ARHGAP32: variants seen among roughly 807,000 people sequenced by gnomAD.
ARHGAP32 encodes rho GTPase-activating protein 32.
Under a neutral mutation model 186.5 loss-of-function variants are expected in ARHGAP32, and 51 were observed. The ratio of observed to expected loss-of-function variants is 0.27; its 90% CI spans 0.22 to 0.35. ARHGAP32 has a LOEUF of 0.35. Ranked by LOEUF, ARHGAP32 falls within the 10% of genes least tolerant of loss-of-function variation. ARHGAP32 has a pLI of 1.00. For synonymous variants in ARHGAP32, 950 were observed against 964.3 expected (o/e 0.99, Z 0.27); for missense variants, 2,186 against 2,623.5 (o/e 0.83, Z 3.64).
intron 11 of ARHGAP32, among the ~76,000 whole-genome samples, chr11:129,025,865 A>C (rs916920748): frequency 1.3e-5 from 2 of 148,722 alleles, no homozygotes; most frequent in Non-Finnish European, 3.0e-5. Context: ...ATAACATATT[A>C]TTTAAGTAAT....
At chr11:129,271,293 G>A (rs1412043859) in intron 1 of ARHGAP32, among the ~76,000 whole-genome samples, 1 of 152,154 alleles carries the variant, frequency 6.6e-6, no homozygotes, top group Admixed American at 6.6e-5. Context: ...AGTGAAAAAA[G>A]TGAGATGTAG....
chr11:128,969,314 C>T lies in ARHGAP32; in HGVS notation c.5899G>A (p.Val1967Ile). The change falls in exon 23 of 23, where the codon GTT (valine) becomes ATT (isoleucine). Residue 1967 changes from valine (V) to isoleucine (I), a missense_variant. By Grantham distance (29) the Val-to-Ile change is conservative. Around this residue, in one of 5 missense-constraint regions of ARHGAP32, gnomAD observed 1,502 missense variants for 1,570.0 expected, o/e 0.96. Transcript: ENST00000682385. The surrounding 1 kb of genome is among the most constrained non-coding windows in gnomAD (Gnocchi z 4.8). Reference protein sequence around the residue: ...RLSKEMERPWVRQPSAPEKHS... With the variant: ...RLSKEMERPWIRQPSAPEKHS... ...TTCTCTGGGGCAGAAGGCTGCCTAA[C>T]CCAGGGTCGCTCCATCTCTTTGGAG... 1 of 1,614,244 alleles carries T rather than the reference C, an allele frequency of 6.2e-7. No individual in the cohort carries two copies. Among genetic ancestry groups the T allele is most frequent in the East Asian group, 2.2e-5 (1 of 44,880 alleles).
chr11:129,017,489 A>G (rs933185664), intron 11 of ARHGAP32, among the ~76,000 whole-genome samples: 1 of 151,934 alleles, frequency 6.6e-6, no homozygotes, highest in Non-Finnish European at 1.5e-5. Flanking sequence ...GTTTAAAATA[A>G]TAACTACTGA....
At chr11:129,257,955 A>G (rs897399000) in intron 1 of ARHGAP32, among the ~76,000 whole-genome samples, 1 of 152,172 alleles carries the variant, frequency 6.6e-6, no homozygotes, top group African/African-American at 2.4e-5. Context: ...GCTATTATTT[A>G]CCTAATATTT....
intron 11 of ARHGAP32, among the ~76,000 whole-genome samples, chr11:129,021,405 T>C (rs1370426573): frequency 2.6e-5 from 4 of 152,066 alleles, no homozygotes; most frequent in African/African-American, 9.7e-5. Flanking sequence ...AATAAAACTG[T>C]ATCTCTTCTC....
intron 1 of ARHGAP32, among the ~76,000 whole-genome samples, chr11:129,245,802 C>T (rs181571142): frequency 2.1e-4 from 32 of 151,900 alleles, no homozygotes; most frequent in Non-Finnish European, 4.0e-4. Flanking sequence ...ATGCATAATT[C>T]ATTGTGTTAA....
At chr11:129,241,974 A>G (rs896382938) in intron 1 of ARHGAP32, among the ~76,000 whole-genome samples, 3 of 152,218 alleles carry the variant, frequency 2.0e-5, no homozygotes, top group Non-Finnish European at 4.4e-5. Flanking sequence ...GCTGAAAAAC[A>G]TTGTTTCTAT....
intron 5 of ARHGAP32, among the ~76,000 whole-genome samples, chr11:129,115,991 A>C (rs1193481807): frequency 2.6e-5 from 4 of 152,094 alleles, no homozygotes; most frequent in Non-Finnish European, 5.9e-5. Flanking sequence ...AACACAGGAT[A>C]TCTCTGGTTG....
At chr11:129,251,041 A>G (rs572674658) in intron 1 of ARHGAP32, among the ~76,000 whole-genome samples, 2 of 152,338 alleles carry the variant, frequency 1.3e-5, no homozygotes, top group East Asian at 3.9e-4. Context: ...GAAAATATCT[A>G]AGAATTTAAA....
intron 2 of ARHGAP32, among the ~76,000 whole-genome samples, chr11:129,155,709 A>C (rs1943386876): frequency 6.6e-6 from 1 of 152,164 alleles, no homozygotes; most frequent in Admixed American, 6.5e-5. Flanking sequence ...TCAAAAAAAA[A>C]AACAAATTGG....
At chr11:129,154,651 T>C (rs991737179) in intron 2 of ARHGAP32, among the ~76,000 whole-genome samples, 3 of 152,164 alleles carry the variant, frequency 2.0e-5, no homozygotes, top group Non-Finnish European at 2.9e-5. Flanking sequence ...AATACCGTTA[T>C]GTTCTTACTT....
intron 12 of ARHGAP32, among the ~76,000 whole-genome samples, chr11:128,991,025 C>A (rs1240542910): frequency 6.6e-5 from 10 of 152,012 alleles, no homozygotes; most frequent in Non-Finnish European, 1.5e-4. Flanking sequence ...ATCAGGCTCT[C>A]CGAGCACACA....
At chr11:129,006,125 T>G (rs1251880945) in intron 11 of ARHGAP32, among the ~76,000 whole-genome samples, 1 of 152,228 alleles carries the variant, frequency 6.6e-6, no homozygotes, top group Admixed American at 6.5e-5. Flanking sequence ...AATTCTGACT[T>G]CCTTTTCTGT....
At chr11:129,274,727 C>G (rs536220473) in intron 1 of ARHGAP32, among the ~76,000 whole-genome samples, 1 of 151,950 alleles carries the variant, frequency 6.6e-6, no homozygotes, top group South Asian at 2.1e-4. Context: ...ATAAAAGTCT[C>G]TGGATAGTAA....
intron 10 of ARHGAP32, among the ~76,000 whole-genome samples, chr11:129,047,031 G>T (rs1331759744): frequency 6.6e-6 from 1 of 151,976 alleles, no homozygotes; most frequent in Admixed American, 6.6e-5. Flanking sequence ...GGGAGGCTGA[G>T]GCAGGAGAAT....
intron 2 of ARHGAP32, among the ~76,000 whole-genome samples, chr11:129,156,210 C>A (rs991351521): frequency 6.6e-6 from 1 of 152,048 alleles, no homozygotes; most frequent in Non-Finnish European, 1.5e-5. Context: ...TTTTTCATAC[C>A]CCAGTGGCGC....
chr11:129,267,012 G>A (rs183166698), intron 1 of ARHGAP32, among the ~76,000 whole-genome samples: 4 of 152,150 alleles, frequency 2.6e-5, no homozygotes, highest in Admixed American at 6.5e-5. Flanking sequence ...CCACAGACAC[G>A]CACATGCAAA....
At position 128,986,065 on chromosome 11, in the gene ARHGAP32, T is replaced by C. The variant is rs756156455; in HGVS notation, c.1464A>G (p.Thr488=). The C allele has an allele frequency of 5.6e-6, 9 of 1,607,010 alleles. No homozygotes were observed. In the South Asian group the frequency reaches 8.9e-5, roughly 16 times the overall value. The part of the protein sequence containing the change: ...EKFSDAVSAA[T]DEERLIKIHD... ...GGATTTTTATCAGCCTTTCTTCATC[T>C]GTTGCTGCTGAAACTGCATCCTAGA... Residue 488 remains threonine, a synonymous_variant, in exon 15 of 23, where the codon ACA becomes ACG. Transcript: ENST00000682385.
intron 5 of ARHGAP32, among the ~76,000 whole-genome samples, chr11:129,114,308 A>G (rs1252788638): frequency 1.3e-5 from 2 of 152,142 alleles, no homozygotes; most frequent in African/African-American, 2.4e-5. Flanking sequence ...TCCAAATTCT[A>G]TTCAATCTTC....
Sources: gnomAD v4.1 joint callset for allele counts (sites outside exome capture counted in the v4.1 genomes callset) on GRCh38, gnomAD v4.1.1 for gene constraint, gnomAD v4.1.1 regional missense constraint, Gnocchi (gnomAD v3.1) non-coding constraint, MANE v1.5 for transcripts, NCBI Gene and HGNC (gene_info 2026-07-23, HGNC 2026-07-21) for gene names.